Variants in CNTN1 observed in about 807,000 individuals in gnomAD.
The protein encoded by CNTN1 is contactin 1, also known as contactin-1.
A neutral mutation model predicts 126.4 loss-of-function variants in CNTN1; 38 were observed. The ratio of observed to expected loss-of-function variants is 0.30; its 90% CI spans 0.23 to 0.39. CNTN1 has a LOEUF of 0.39. Among genes scored for constraint, CNTN1 ranks in the 10% least tolerant of loss-of-function variants. The pLI is 1.00. For synonymous variants in CNTN1, 413 were observed against 422.6 expected (o/e 0.98, Z 0.28); for missense variants, 1,009 against 1,248.4 (o/e 0.81, Z 2.89).
chr12:40,736,334 C>A (rs754273023), intron 1 of CNTN1, among the ~76,000 whole-genome samples: 1 of 151,786 alleles, frequency 6.6e-6, no homozygotes, highest in Non-Finnish European at 1.5e-5. Flanking sequence ...CAGACCACGG[C>A]AAACAAATAG....
intron 1 of CNTN1, among the ~76,000 whole-genome samples, chr12:40,842,142 C>G (rs1354228131): frequency 1.3e-5 from 2 of 151,912 alleles, no homozygotes; most frequent in African/African-American, 2.4e-5. Flanking sequence ...CTGGCAAATA[C>G]AGAATAAAGT....
chr12:40,845,122 A>G (rs1207477106), intron 1 of CNTN1, among the ~76,000 whole-genome samples: 2 of 152,216 alleles, frequency 1.3e-5, no homozygotes, highest in Admixed American at 1.3e-4. Flanking sequence ...ATTTTTCTTT[A>G]AAAGAGCTAG....
chr12:40,970,731 G>T (rs1437434429), intron 15 of CNTN1, among the ~76,000 whole-genome samples: 1 of 152,152 alleles, frequency 6.6e-6, no homozygotes, highest in Admixed American at 6.6e-5. Flanking sequence ...TGATTTGCAT[G>T]GTGTGATCTA....
chr12:40,971,419 T>C, intron 15 of CNTN1: 1 of 1,591,836 alleles, frequency 6.3e-7, no homozygotes. Context: ...TCAGCCTTGA[T>C]CTTTCCTCTT....
chr12:41,017,775 G>A (rs1478912614), intron 19 of CNTN1, among the ~76,000 whole-genome samples: 1 of 151,962 alleles, frequency 6.6e-6, no homozygotes, highest in Admixed American at 6.6e-5. Flanking sequence ...CTATACTTTT[G>A]TTATTTATAT....
chr12:40,996,531 A>T (rs1948222340), intron 17 of CNTN1, among the ~76,000 whole-genome samples: 1 of 152,230 alleles, frequency 6.6e-6, no homozygotes, highest in African/African-American at 2.4e-5. Flanking sequence ...ACTGCACTGC[A>T]TAGTATTTGC....
At position 40,837,199 on chromosome 12, in the gene CNTN1, A is replaced by G. The variant is rs575595654; in HGVS notation, c.-76-71158A>G. The stretch of plus-strand genomic sequence containing the variant: ...GACTAGAAAGAAGCCTTTCATGCCC[A>G]CCTCCTCCATTTTAAAAACCAAAAT... On this transcript the variant is annotated intron_variant, in intron 1 of 23. Transcript: ENST00000551295. 7.2e-5 allele frequency among the ~76,000 whole-genome samples: 11 copies of G among 152,240 alleles called. No homozygotes were observed. The East Asian group carries it at 2.1e-3, about 29-fold the overall frequency.
intron 12 of CNTN1, among the ~76,000 whole-genome samples, chr12:40,939,737 G>A (rs1463005438): frequency 6.6e-6 from 1 of 151,708 alleles, no homozygotes; most frequent in Admixed American, 6.6e-5. Flanking sequence ...TTTTTTTGTT[G>A]TCTTGTTGTT....
At chr12:40,961,203 A>G (rs1198899945) in intron 15 of CNTN1, among the ~76,000 whole-genome samples, 1 of 152,066 alleles carries the variant, frequency 6.6e-6, no homozygotes, top group Admixed American at 6.6e-5. Flanking sequence ...CCATACAGGT[A>G]CATGAAAATA....
intron 23 of CNTN1, among the ~76,000 whole-genome samples, chr12:41,064,614 C>T (rs1007897789): frequency 1.3e-5 from 2 of 151,980 alleles, no homozygotes; most frequent in African/African-American, 2.4e-5. Context: ...GATAGAGTTG[C>T]GGGAAGTACA....
chr12:40,989,366 C>T (rs114153896), intron 16 of CNTN1, among the ~76,000 whole-genome samples: 162 of 152,068 alleles, frequency 1.1e-3, no homozygotes, highest in African/African-American at 3.4e-3. Flanking sequence ...GCATACAAAG[C>T]GGCAGTGGAA....
At chr12:40,788,419 G>A (rs892775796) in intron 1 of CNTN1, among the ~76,000 whole-genome samples, 1 of 152,086 alleles carries the variant, frequency 6.6e-6, no homozygotes, top group African/African-American at 2.4e-5. Flanking sequence ...AAGGCTGCCA[G>A]CTTCAGCCCT....
At chr12:41,051,750 A>G (rs1386236724) in intron 23 of CNTN1, among the ~76,000 whole-genome samples, 1 of 152,108 alleles carries the variant, frequency 6.6e-6, no homozygotes, top group Non-Finnish European at 1.5e-5. Context: ...AAATAATTTA[A>G]TATTAACATT....
chr12:40,925,602 T>C (rs1197776234), intron 6 of CNTN1, among the ~76,000 whole-genome samples: 1 of 145,726 alleles, frequency 6.9e-6, no homozygotes, highest in East Asian at 2.0e-4. Flanking sequence ...TATATATATA[T>C]ATACGTGTAT....
intron 1 of CNTN1, among the ~76,000 whole-genome samples, chr12:40,716,059 T>C (rs1192962619): frequency 6.6e-6 from 1 of 151,972 alleles, no homozygotes; most frequent in African/African-American, 2.4e-5. Context: ...ATTCTAAAAA[T>C]ACTATCTCTA....
chr12:40,727,221 CA>C (rs140334592), intron 1 of CNTN1, among the ~76,000 whole-genome samples: 30,631 of 149,582 alleles, frequency 0.2, 3,228 homozygotes, highest in Middle Eastern at 0.28. Flanking sequence ...AAGATTGGGG[CA>C]AAAAAAAATT....
intron 23 of CNTN1, among the ~76,000 whole-genome samples, chr12:41,063,382 A>G (rs1316742850): frequency 6.6e-6 from 1 of 152,250 alleles, no homozygotes; most frequent in Admixed American, 6.5e-5. Flanking sequence ...AGCTATGGGC[A>G]GAATATAATT....
chr12:40,811,629 A>G (rs1321462789), intron 1 of CNTN1, among the ~76,000 whole-genome samples: 1 of 151,762 alleles, frequency 6.6e-6, no homozygotes, highest in Non-Finnish European at 1.5e-5. Context: ...TTCAATCTTG[A>G]TAGGTTGTAT....
At chr12:40,858,320 A>C (rs1942988928) in intron 1 of CNTN1, among the ~76,000 whole-genome samples, 1 of 152,198 alleles carries the variant, frequency 6.6e-6, no homozygotes, top group Non-Finnish European at 1.5e-5. Flanking sequence ...CCCATTCAGA[A>C]TAATTTCTCT....
Sources: allele counts gnomAD v4.1 joint callset (sites outside exome capture counted in the v4.1 genomes callset), GRCh38; gene constraint gnomAD v4.1.1; transcripts MANE v1.5; gene names NCBI Gene and HGNC (gene_info 2026-07-23, HGNC 2026-07-21).